The following MNAT1 variants were observed in gnomAD, a reference collection of about 807,000 sequenced individuals.
MNAT1 encodes MNAT1 component of CDK activating kinase, also known as CDK-activating kinase assembly factor MAT1.
MNAT1 carries 43 observed loss-of-function variants against 42.0 expected under a neutral mutation model. That is an observed-to-expected ratio of 1.02 (90% CI 0.80 to 1.32). The LOEUF (loss-of-function observed/expected upper bound fraction) is 1.32, where lower values mean the gene tolerates loss of function less well. Ranked by LOEUF, MNAT1 falls within the 40% of genes most tolerant of loss-of-function variation. The pLI is 0.00. For missense variants in MNAT1, 306 were observed against 350.4 expected, an observed-to-expected ratio of 0.87 and a Z score of 1.01; for synonymous variants, 118 against 120.0, an observed-to-expected ratio of 0.98 and a Z score of 0.11.
At chr14:60,903,743 C>T (rs890778809) in intron 7 of MNAT1, among the ~76,000 whole-genome samples, 1 of 151,774 alleles carries the variant, frequency 6.6e-6, no homozygotes, top group Non-Finnish European at 1.5e-5. Flanking sequence ...GCTTTTTGGT[C>T]ATAGTCTTTA....
chr14:60,845,909 C>G (rs936065160), intron 6 of MNAT1, among the ~76,000 whole-genome samples: 3 of 151,950 alleles, frequency 2.0e-5, no homozygotes, highest in African/African-American at 7.3e-5. Flanking sequence ...GGAAAATATT[C>G]CCTTGTCCTC....
At chr14:60,826,866 A>G (rs1174069650) in intron 6 of MNAT1, among the ~76,000 whole-genome samples, 1 of 152,098 alleles carries the variant, frequency 6.6e-6, no homozygotes, top group Non-Finnish European at 1.5e-5. Flanking sequence ...GAACCAGTGA[A>G]CAGACCTCAA....
chr14:60,919,963 C>T (rs567506518), intron 7 of MNAT1: 1 of 155,854 alleles, frequency 6.4e-6, no homozygotes, highest in South Asian at 1.8e-4. Flanking sequence ...TGATGCCATC[C>T]AACGCCATCA....
At chr14:60,907,495 G>C (rs2035227765) in intron 7 of MNAT1, among the ~76,000 whole-genome samples, 1 of 149,920 alleles carries the variant, frequency 6.7e-6, no homozygotes, top group African/African-American at 2.4e-5. Context: ...AGTTTTATTT[G>C]TGTTTAAAGT....
intron 7 of MNAT1, among the ~76,000 whole-genome samples, chr14:60,884,928 T>C (rs371270695): frequency 1.3e-5 from 2 of 152,196 alleles, no homozygotes; most frequent in African/African-American, 4.8e-5. Flanking sequence ...GGAAAGTCTT[T>C]ATTTGTTTCT....
chr14:60,784,690 C>A (rs1466429375), intron 1 of MNAT1, among the ~76,000 whole-genome samples: 1 of 151,714 alleles, frequency 6.6e-6, no homozygotes, highest in Non-Finnish European at 1.5e-5. Context: ...GTCTCGAACT[C>A]CTGACTTTGT....
At chr14:60,896,019 A>T (rs193053617) in intron 7 of MNAT1, among the ~76,000 whole-genome samples, 23 of 152,330 alleles carry the variant, frequency 1.5e-4, no homozygotes, top group Admixed American at 1.4e-3. Context: ...TAAAACTTTG[A>T]TAAGGAATAA....
intron 1 of MNAT1, among the ~76,000 whole-genome samples, chr14:60,783,641 C>T (rs1462702642): frequency 1.3e-5 from 2 of 151,582 alleles, no homozygotes; most frequent in Non-Finnish European, 1.5e-5. Flanking sequence ...GGACTACAGG[C>T]ACCTGCCACC....
intron 1 of MNAT1, among the ~76,000 whole-genome samples, chr14:60,755,266 C>G (rs2030291935): frequency 6.6e-6 from 1 of 152,134 alleles, no homozygotes; most frequent in Non-Finnish European, 1.5e-5. Flanking sequence ...GCCTCAGCCT[C>G]CAGAATAGCT....
intron 7 of MNAT1, among the ~76,000 whole-genome samples, chr14:60,966,680 G>T (rs1193255915): frequency 6.6e-6 from 1 of 151,304 alleles, no homozygotes; most frequent in Non-Finnish European, 1.5e-5. Context: ...GCCCAGCCAA[G>T]TTTTTGTATT....
intron 7 of MNAT1, among the ~76,000 whole-genome samples, chr14:60,898,135 G>GTGTGTGTGTT (rs2034999334): frequency 7.6e-5 from 1 of 13,206 alleles, no homozygotes; most frequent in South Asian, 1.4e-3. Flanking sequence ...GTGTGTGTGT[G>GTGTGTGTGTT]TGTGTGCGCG....
At chr14:60,772,442 C>A (rs969760854) in intron 1 of MNAT1, among the ~76,000 whole-genome samples, 2 of 151,906 alleles carry the variant, frequency 1.3e-5, no homozygotes, top group African/African-American at 2.4e-5. Context: ...TAAATTAGCC[C>A]GGTGTGGTGG....
chr14:60,889,309 T>A (rs112623428), intron 7 of MNAT1, among the ~76,000 whole-genome samples: 1 of 152,224 alleles, frequency 6.6e-6, no homozygotes, highest in South Asian at 2.1e-4. Flanking sequence ...TATCTACAAC[T>A]ATCTGATCTT....
chr14:60,909,999 C>T (rs371989265), intron 7 of MNAT1, among the ~76,000 whole-genome samples: 101 of 152,174 alleles, frequency 6.6e-4, no homozygotes, highest in Non-Finnish European at 1.3e-3. Context: ...TTTTATTTCA[C>T]TGAGCAGTGG....
At chr14:60,933,005 G>A (rs2035919748) in intron 7 of MNAT1, among the ~76,000 whole-genome samples, 1 of 152,010 alleles carries the variant, frequency 6.6e-6, no homozygotes, top group African/African-American at 2.4e-5. Flanking sequence ...AATCTTGGCT[G>A]TTTTGCTTGG....
At chr14:60,818,278 A>G (rs1001324755) in intron 5 of MNAT1, among the ~76,000 whole-genome samples, 7 of 151,992 alleles carry the variant, frequency 4.6e-5, no homozygotes, top group African/African-American at 1.4e-4. Context: ...CAATAGTTTC[A>G]TTGTGCAAAA....
intron 6 of MNAT1, among the ~76,000 whole-genome samples, chr14:60,837,356 C>A (rs967789437): frequency 2.0e-5 from 3 of 152,194 alleles, no homozygotes; most frequent in African/African-American, 7.2e-5. Flanking sequence ...TGGCTAGGCA[C>A]CTGAGGGAAT....
chr14:60,961,876 C>T (rs146944740), intron 7 of MNAT1, among the ~76,000 whole-genome samples: 2 of 152,252 alleles, frequency 1.3e-5, no homozygotes, highest in African/African-American at 4.8e-5. Flanking sequence ...CTGTTACTAA[C>T]ATGGAATTTC....
At chr14:60,913,013 C>T (rs1297775180) in intron 7 of MNAT1, among the ~76,000 whole-genome samples, 2 of 152,112 alleles carry the variant, frequency 1.3e-5, no homozygotes, top group Admixed American at 6.5e-5. Flanking sequence ...TTCTTGGAGG[C>T]TTTGTTTGTT....
Sources: gnomAD v4.1 joint callset for allele counts (sites outside exome capture counted in the v4.1 genomes callset) on GRCh38, gnomAD v4.1.1 for gene constraint, MANE v1.5 for transcripts, NCBI Gene and HGNC (gene_info 2026-07-23, HGNC 2026-07-21) for gene names.